Variants in ENTPD6 observed in about 807,000 individuals in gnomAD.
The protein encoded by ENTPD6 is ectonucleoside triphosphate diphosphohydrolase 6.
In ENTPD6, 46 loss-of-function variants were observed where a neutral mutation model predicts 61.5. That is an observed-to-expected ratio of 0.75 (90% CI 0.59 to 0.96). The LOEUF (loss-of-function observed/expected upper bound fraction) is 0.96. Ranked by LOEUF, ENTPD6 falls within the 40% of genes least tolerant of loss-of-function variation. The pLI, the probability that ENTPD6 is intolerant of heterozygous loss-of-function variation, is 0.00. For missense variants in ENTPD6, 612 were observed against 629.0 expected, an observed-to-expected ratio of 0.97 and a Z score of 0.29; for synonymous variants, 252 against 255.5, an observed-to-expected ratio of 0.99 and a Z score of 0.13.
chr20:25,223,010 G>A lies in ENTPD6; in HGVS notation c.1186+32G>A, dbSNP rs372145809. 1.1e-5 allele frequency: 18 copies of A among 1,586,586 alleles called. No individual in the cohort carries two copies. In the African/African-American group the frequency reaches 1.9e-4, roughly 17 times the overall value. ...GGGCCCGGATGGGCTGAGCAGGAAG[G>A]TCGGGGCGGCAGGGGGCGGGGGTGG... is the stretch of plus-strand genomic sequence containing the variant. On this transcript the variant is annotated intron_variant, in intron 12 of 14. Transcript: ENST00000376652.
intron 13 of ENTPD6, 129 bp from the exon 14 acceptor site, chr20:25,225,076 G>T (rs115039993): frequency 3.5e-6 from 5 of 1,423,298 alleles, no homozygotes; most frequent in East Asian, 2.5e-5. Context: ...GCTCAGCTGC[G>T]GCCTTGTCTG....
intron 11 of ENTPD6, 56 bp from the exon 12 acceptor site, chr20:25,222,782 C>A: frequency 6.3e-7 from 1 of 1,596,992 alleles, no homozygotes; most frequent in Non-Finnish European, 8.5e-7. Flanking sequence ...CCCCAAGCAG[C>A]TGTGAGGCCT....
chr20:25,217,545 G>A lies in ENTPD6; in HGVS notation c.842G>A (p.Arg281Gln), dbSNP rs755231373. ...ASPPGYLTAL[R>Q]MFNRTYKLYS... is the part of the protein sequence containing the mutation. Reference sequence around the variant, plus strand: ...CCACCCGGCTACCTGACGGCACTGCGGATGTTTAACAGGACCTACAAGCTC... The same window carrying A: ...CCACCCGGCTACCTGACGGCACTGCAGATGTTTAACAGGACCTACAAGCTC... The change falls in exon 9 of 15, where the codon CGG (arginine) becomes CAG (glutamine). Residue 281 changes from arginine to glutamine, a missense_variant. Arg to Gln is a conservative substitution (Grantham distance 43, BLOSUM62 1). Transcript: ENST00000376652. 53 of 1,614,010 alleles carry A rather than the reference G, an allele frequency of 3.3e-5. No homozygotes were observed. The highest frequency in any genetic ancestry group is 3.3e-4 in the Middle Eastern group (2 of 6,084).
chr20:25,222,626 G>T, intron 11 of ENTPD6: 3 of 541,434 alleles, frequency 5.5e-6, no homozygotes, highest in Non-Finnish European at 9.5e-6. Context: ...TTCACTCCCT[G>T]CGCCGGGACC....
chr20:25,200,353 G>A (rs2090933814), intron 1 of ENTPD6, among the ~76,000 whole-genome samples: 1 of 120,198 alleles, frequency 8.3e-6, no homozygotes, highest in Non-Finnish European at 2.1e-5. Context: ...CTATTTACCT[G>A]TTTTCTCCTG....
intron 4 of ENTPD6, among the ~76,000 whole-genome samples, chr20:25,211,835 GTCTC>G (rs1013636575): frequency 1.1e-4 from 16 of 152,242 alleles, no homozygotes; most frequent in Admixed American, 6.5e-4. Context: ...CCGAGATGAG[GTCTC>G]TCTCTATCAC....
At chr20:25,198,886 CTGGCATATCAAACTCAGCA>C (rs1408434749) in intron 1 of ENTPD6, among the ~76,000 whole-genome samples, 1 of 152,230 alleles carries the variant, frequency 6.6e-6, no homozygotes, top group Non-Finnish European at 1.5e-5. Flanking sequence ...TGATGTCCCG[CTGGCATATCAAACTCAGCA>C]TGTCAAAAAC....
At chr20:25,223,027 C>CGGGGGTGGGGGGGGCTGGGGGG in intron 12 of ENTPD6, 49 bp downstream of exon 12, 1 of 490,374 alleles carries the variant, frequency 2.0e-6, no homozygotes, top group East Asian at 6.0e-5. Flanking sequence ...CGGCAGGGGG[C>CGGGGGTGGGGGGGGCTGGGGGG]GGGGGTGGAG....
chr20:25,214,544 G>A (rs1277081918), intron 5 of ENTPD6, among the ~76,000 whole-genome samples: 4 of 152,238 alleles, frequency 2.6e-5, no homozygotes, highest in Non-Finnish European at 5.9e-5. Context: ...AGGGCAGCAT[G>A]GGCCTCAACG....
intron 3 of ENTPD6, among the ~76,000 whole-genome samples, chr20:25,209,084 T>C (rs554694742): frequency 3.7e-4 from 55 of 147,280 alleles, no homozygotes; most frequent in African/African-American, 1.3e-3. Flanking sequence ...ACCTGGCTAC[T>C]TTTTTTTTCT....
At chr20:25,197,943 T>C (rs1476950630) in intron 1 of ENTPD6, among the ~76,000 whole-genome samples, 1 of 152,190 alleles carries the variant, frequency 6.6e-6, no homozygotes, top group Non-Finnish European at 1.5e-5. Flanking sequence ...CACCACACAC[T>C]GACTGCAATC....
intron 6 of ENTPD6, 88 bp from the exon 7 acceptor site, chr20:25,215,588 G>T: frequency 7.3e-7 from 1 of 1,367,326 alleles, no homozygotes; most frequent in Non-Finnish European, 1.0e-6. Context: ...ATGCTCCCCA[G>T]ATCTGCAAAT....
chr20:25,202,675 T>C (rs181417381), intron 1 of ENTPD6, among the ~76,000 whole-genome samples: 41 of 152,346 alleles, frequency 2.7e-4, no homozygotes, highest in African/African-American at 7.9e-4. Context: ...TACAATTCCA[T>C]CTACCCCCAC....
At chr20:25,222,496 C>G (rs937886969) in intron 11 of ENTPD6, 2 of 231,992 alleles carry the variant, frequency 8.6e-6, no homozygotes, top group Admixed American at 5.1e-5. Context: ...GGTGGGACTC[C>G]GGGCTGGCGG....
intron 11 of ENTPD6, chr20:25,221,613 G>A: frequency 2.1e-6 from 1 of 469,910 alleles, no homozygotes; most frequent in Non-Finnish European, 3.9e-6. Flanking sequence ...AGGGAGGAAG[G>A]ACTGGACCAG....
rs756570568 is a variant in ENTPD6 at position 25,209,931 on chromosome 20, G to C, written c.453+6G>C. On this transcript the variant is annotated splice_donor_region_variant and intron_variant, in intron 4 of 14. Coordinates refer to ENST00000376652, the MANE Select transcript of ENTPD6 (RefSeq NM_001247.5). Reference sequence around the variant, plus strand: ...ATGCTGATGATGTTGAAAAGGTAAGGATCCTCTCCCGTGTCTCCCTGTTCA... The same window carrying C: ...ATGCTGATGATGTTGAAAAGGTAAGCATCCTCTCCCGTGTCTCCCTGTTCA... 2 of 1,612,288 alleles carry C rather than the reference G, an allele frequency of 1.2e-6. No individual in the cohort carries two copies. Among genetic ancestry groups the C allele is most frequent in the African/African-American group, 2.7e-5 (2 of 74,902 alleles).
chr20:25,221,366 C>A, intron 11 of ENTPD6, 33 bp downstream of exon 11: 1 of 1,542,976 alleles, frequency 6.5e-7, no homozygotes, highest in Non-Finnish European at 9.0e-7. Flanking sequence ...TTGGTTTCTG[C>A]GGGTGAGAGT....
Position 25,206,541 on chromosome 20 carries a change from A to C in ENTPD6, c.5A>C (p.Lys2Thr). The C allele has an allele frequency of 6.2e-7, 1 of 1,613,796 alleles. No individual in the cohort carries two copies. The highest frequency in any genetic ancestry group is 8.5e-7 in the Non-Finnish European group (1 of 1,179,620). The change falls in exon 2 of 15, where the codon AAA becomes ACA. Residue 2 changes from lysine to threonine, a missense_variant. By Grantham distance (78) the Lys-to-Thr change is moderately conservative (BLOSUM62 -1). Transcript: ENST00000376652. Reference protein sequence around the residue: MKKGIRYETSRK... With the variant: MTKGIRYETSRK... ...TGGCAGGAATGGGCTATGTGAATGA[A>C]AAAAGGTATCCGTTATGAAACTTCC...
Position 25,195,833 on chromosome 20 carries a change from C to A in ENTPD6, c.-50C>A. 8.1e-7 allele frequency: 1 copy of A among 1,239,940 alleles called. No homozygotes were observed. Among genetic ancestry groups the A allele is most frequent in the Non-Finnish European group, 1.0e-6 (1 of 988,716 alleles). The allele number at this position is 1,239,940 out of a possible 1,614,324, so 76.8% of individuals were successfully genotyped here. A position where few individuals can be genotyped will look rare whatever the true frequency, so the allele number is the denominator to read the frequency against. On this transcript the variant is annotated 5_prime_UTR_variant, in exon 1 of 15. Transcript: ENST00000376652. Reference sequence around the variant, plus strand: ...CGCCTGCTCCCCGGAAAAGGGCACTCGTCTCCGTGGGTGTGGCGGAGCGCG... The same window carrying A: ...CGCCTGCTCCCCGGAAAAGGGCACTAGTCTCCGTGGGTGTGGCGGAGCGCG...
Sources: gnomAD v4.1 joint callset for allele counts (sites outside exome capture counted in the v4.1 genomes callset) on GRCh38, gnomAD v4.1.1 for gene constraint, MANE v1.5 for transcripts, NCBI Gene and HGNC (gene_info 2026-07-23, HGNC 2026-07-21) for gene names.